Variants in PACRG observed in about 807,000 individuals in gnomAD.
PACRG encodes the protein parkin coregulated gene protein.
PACRG carries 29 observed loss-of-function variants against 29.7 expected under a neutral mutation model. The ratio of observed to expected loss-of-function variants is 0.98; its 90% CI spans 0.73 to 1.33. The LOEUF (loss-of-function observed/expected upper bound fraction) is 1.33, where lower values mean the gene tolerates loss of function less well. Ranked by LOEUF, PACRG falls within the 40% of genes most tolerant of loss-of-function variation. The pLI is 0.00. For missense variants in PACRG, 279 were observed against 316.2 expected (o/e 0.88, Z 0.89); for synonymous variants, 116 against 118.7 (o/e 0.98, Z 0.15).
chr6:163,120,388 T>C (rs1324715592), intron 4 of PACRG, among the ~76,000 whole-genome samples: 3 of 152,096 alleles, frequency 2.0e-5, no homozygotes, highest in Admixed American at 2.0e-4. Flanking sequence ...AGCTACTCTG[T>C]CCTCAGTGTG....
chr6:163,017,292 C>T (rs966111546), intron 2 of PACRG, among the ~76,000 whole-genome samples: 5 of 152,106 alleles, frequency 3.3e-5, no homozygotes, highest in African/African-American at 1.2e-4. Flanking sequence ...GAAATATTGA[C>T]TTCAGAGTAT....
At chr6:163,238,383 A>T (rs1161701791) in intron 4 of PACRG, among the ~76,000 whole-genome samples, 1 of 152,232 alleles carries the variant, frequency 6.6e-6, no homozygotes, top group Non-Finnish European at 1.5e-5. Flanking sequence ...CACTTCTTTT[A>T]TAAGGATAAG....
chr6:163,224,233 G>C (rs1467018098), intron 4 of PACRG, among the ~76,000 whole-genome samples: 1 of 151,802 alleles, frequency 6.6e-6, no homozygotes, highest in Non-Finnish European at 1.5e-5. Flanking sequence ...GCCAGGCACA[G>C]TGACAGGCAC....
chr6:163,096,986 C>T (rs1442179263), intron 4 of PACRG, among the ~76,000 whole-genome samples: 1 of 152,154 alleles, frequency 6.6e-6, no homozygotes, highest in Non-Finnish European at 1.5e-5. Flanking sequence ...TATTCCAACC[C>T]AGACAAACTT....
At chr6:162,798,255 G>T (rs893467750) in intron 1 of PACRG, among the ~76,000 whole-genome samples, 4 of 152,056 alleles carry the variant, frequency 2.6e-5, no homozygotes, top group African/African-American at 7.2e-5. Flanking sequence ...TGTGTTTGTG[G>T]GTCCCTCTTC....
At chr6:163,187,838 C>G (rs1214641721) in intron 4 of PACRG, 1 of 152,458 alleles carries the variant, frequency 6.6e-6, no homozygotes, top group Admixed American at 6.5e-5. Context: ...CGCGCCTGTC[C>G]GCTGATCTGC....
At chr6:162,989,496 T>C (rs1803223294) in intron 2 of PACRG, among the ~76,000 whole-genome samples, 1 of 152,190 alleles carries the variant, frequency 6.6e-6, no homozygotes. Flanking sequence ...CACATCCTCC[T>C]GTATACTTTA....
chr6:162,749,378 G>A (rs1413365334), intron 1 of PACRG, among the ~76,000 whole-genome samples: 13 of 152,088 alleles, frequency 8.5e-5, no homozygotes. Flanking sequence ...GTTATTAATG[G>A]CAATAACAAG....
intron 1 of PACRG, among the ~76,000 whole-genome samples, chr6:162,812,652 A>C (rs1478181873): frequency 6.6e-6 from 1 of 152,108 alleles, no homozygotes; most frequent in Non-Finnish European, 1.5e-5. Context: ...TCCTCCATGA[A>C]TTTCAGAAGT....
chr6:163,054,886 G>A (rs533980174), intron 2 of PACRG, among the ~76,000 whole-genome samples: 3 of 152,264 alleles, frequency 2.0e-5, no homozygotes, highest in South Asian at 4.1e-4. Context: ...TCCAAGGACC[G>A]CCTCCCCCCT....
intron 2 of PACRG, among the ~76,000 whole-genome samples, chr6:162,887,716 C>T (rs1176347773): frequency 6.6e-6 from 1 of 152,080 alleles, no homozygotes; most frequent in Non-Finnish European, 1.5e-5. Flanking sequence ...TTGACCTCGC[C>T]CTGCCTCCGT....
intron 2 of PACRG, among the ~76,000 whole-genome samples, chr6:162,836,477 A>T (rs1038153621): frequency 3.3e-5 from 5 of 152,046 alleles, no homozygotes; most frequent in Non-Finnish European, 5.9e-5. Context: ...TCTGCCTTCC[A>T]TGATCGCTCA....
At chr6:163,065,544 G>A (rs905920577) in intron 3 of PACRG, among the ~76,000 whole-genome samples, 1 of 152,164 alleles carries the variant, frequency 6.6e-6, no homozygotes, top group African/African-American at 2.4e-5. Context: ...AGTGAGAACA[G>A]TAGCAACACT....
chr6:162,835,479 TATAAGAAG>T (rs1479890890), intron 2 of PACRG, among the ~76,000 whole-genome samples: 1 of 152,132 alleles, frequency 6.6e-6, no homozygotes, highest in Admixed American at 6.6e-5. Context: ...CACCTTCAAG[TATAAGAAG>T]ATAAATCACA....
At chr6:162,858,967 G>A (rs985908097) in intron 2 of PACRG, among the ~76,000 whole-genome samples, 5 of 152,278 alleles carry the variant, frequency 3.3e-5, no homozygotes, top group African/African-American at 9.6e-5. Context: ...AGACCCTCCT[G>A]CTTCTGCGGC....
At chr6:162,992,980 G>C (rs1803595725) in intron 2 of PACRG, among the ~76,000 whole-genome samples, 2 of 150,886 alleles carry the variant, frequency 1.3e-5, no homozygotes, top group South Asian at 4.2e-4. Context: ...CTTTATTTCT[G>C]CCTTCATTTC....
chr6:163,227,379 C>G (rs1781847900), intron 4 of PACRG, among the ~76,000 whole-genome samples: 1 of 152,210 alleles, frequency 6.6e-6, no homozygotes. Flanking sequence ...CACCCCATGA[C>G]CAAAGCACAC....
intron 4 of PACRG, among the ~76,000 whole-genome samples, chr6:163,216,107 C>T (rs1231251923): frequency 6.6e-6 from 1 of 152,222 alleles, no homozygotes; most frequent in Non-Finnish European, 1.5e-5. Context: ...ACTTTTCCCT[C>T]TTTTCTGTGT....
intron 1 of PACRG, among the ~76,000 whole-genome samples, chr6:162,759,513 T>C (rs1739850011): frequency 6.6e-6 from 1 of 152,232 alleles, no homozygotes; most frequent in Non-Finnish European, 1.5e-5. Context: ...GTGGGTATCA[T>C]TTATTTAAAT....
Sources: allele counts gnomAD v4.1 joint callset (sites outside exome capture counted in the v4.1 genomes callset), GRCh38; gene constraint gnomAD v4.1.1; transcripts MANE v1.5; gene names NCBI Gene and HGNC (gene_info 2026-07-23, HGNC 2026-07-21).